MMS22L: variants seen among roughly 807,000 people sequenced by gnomAD.
The protein encoded by MMS22L is MMS22 like, DNA repair protein.
In MMS22L, 74 loss-of-function variants were observed where a neutral mutation model predicts 159.1. The observed-to-expected ratio is 0.47, with a 90% confidence interval of 0.39 to 0.56. The LOEUF is 0.56. Ranked by LOEUF, MMS22L falls within the 20% of genes least tolerant of loss-of-function variation. The probability of loss-of-function intolerance (pLI) is 0.00; values close to 1 mark genes in which losing one functional copy is unlikely to be tolerated. For missense variants in MMS22L, 1,351 were observed against 1,422.1 expected (o/e 0.95, Z 0.80); for synonymous variants, 517 against 506.9 (o/e 1.02, Z -0.27).
In MMS22L at chr6:97,282,468, A is replaced by G. The variant is rs1347604544; in HGVS notation, c.10T>C (p.Cys4Arg). 3 of 1,594,982 alleles carry G rather than the reference A, an allele frequency of 1.9e-6. No individual in the cohort carries two copies. The highest frequency in any genetic ancestry group is 2.6e-6 in the Non-Finnish European group (3 of 1,169,238). ...GTCAGGAACGTCGATGCAGCAGAAC[A>G]GTTCTCCATTGTTTACTTCATGTTC... MENCSAASTFLTDS... is the reference protein window; with the variant it reads MENRSAASTFLTDS... The change falls in exon 2 of 25, where the codon TGT becomes CGT. Residue 4 changes from cysteine to arginine, a missense_variant. Transcript: ENST00000683635.
chr6:97,147,052 T>C (rs1800958270), intron 24 of MMS22L, among the ~76,000 whole-genome samples, 165 bp from the exon 25 acceptor site: 1 of 152,176 alleles, frequency 6.6e-6, no homozygotes, highest in African/African-American at 2.4e-5. Flanking sequence ...TTTATATCTA[T>C]TGTGAGTAAA....
At chr6:97,206,919 T>C (rs1348506979) in intron 14 of MMS22L, among the ~76,000 whole-genome samples, 43 of 152,164 alleles carry the variant, frequency 2.8e-4, no homozygotes, top group Admixed American at 2.8e-3. Flanking sequence ...TAAGTTATGT[T>C]AACACTACCT....
rs1582864855 is a variant in MMS22L at position 97,272,404 on chromosome 6, T to A, written c.606+300A>T. Reference sequence around the variant, plus strand: ...AAATTTTCAGACACTTATACTGTCATAAATCAAGAGAATAGCTACTGATTC... The same window carrying A: ...AAATTTTCAGACACTTATACTGTCAAAAATCAAGAGAATAGCTACTGATTC... On this transcript the variant is annotated intron_variant, in intron 6 of 24. Transcript: ENST00000683635. 6 of 231,418 alleles carry A rather than the reference T, an allele frequency of 2.6e-5. No individual in the cohort carries two copies. The East Asian group carries it at 5.6e-4, about 22-fold the overall frequency. 14.3% of individuals were successfully genotyped at this position (231,418 alleles called of 1,614,324 possible).
At chr6:97,163,186 A>G (rs375676488) in intron 21 of MMS22L, among the ~76,000 whole-genome samples, 1 of 152,066 alleles carries the variant, frequency 6.6e-6, no homozygotes. Context: ...TGCCAGGTAC[A>G]TGTCTAAGAA....
Position 97,186,599 on chromosome 6 carries a change from C to G in MMS22L, c.2131G>C (p.Ala711Pro), listed in dbSNP as rs146321274. The change falls in exon 15 of 25, where the codon GCT becomes CCT. Residue 711 changes from alanine to proline, a missense_variant. Coordinates refer to ENST00000683635, the MANE Select transcript of MMS22L (RefSeq NM_001350599.2). ...CTCCACAGTGCACTGGCAACTGCAG[C>G]AAGGTGGCGCTCTTTAGCCGATAAT... Reference protein sequence around the residue: ...SSLSAKERHLAAVASALWRHF... With the variant: ...SSLSAKERHLPAVASALWRHF... 1.7e-4 allele frequency: 267 copies of G among 1,611,980 alleles called. 1 individual carries two copies. Among genetic ancestry groups the G allele is most frequent in the Admixed American group, 5.7e-4 (34 of 59,464 alleles).
chr6:97,215,114 A>ATATATTT (rs1209431095), intron 14 of MMS22L, among the ~76,000 whole-genome samples: 2 of 87,218 alleles, frequency 2.3e-5, no homozygotes, highest in African/African-American at 7.1e-5. Flanking sequence ...ATATATATAT[A>ATATATTT]TTTTTTTTTT....
At chr6:97,238,383 T>A (rs1217379030) in intron 11 of MMS22L, among the ~76,000 whole-genome samples, 2 of 152,212 alleles carry the variant, frequency 1.3e-5, no homozygotes, top group African/African-American at 4.8e-5. Flanking sequence ...TTGTCAGTTT[T>A]AAGCAAACCC....
In MMS22L at chr6:97,191,452, A is replaced by G. The variant is rs556427037; in HGVS notation, c.2040-4762T>C. ...CTAATACATGATGCCTCAAAGTTTA[A>G]GGAAAATTAAAATTGTCTATTGATG... On this transcript the variant is annotated intron_variant, in intron 14 of 24. Transcript: ENST00000683635. 4.6e-5 allele frequency among the ~76,000 whole-genome samples: 7 copies of G among 152,246 alleles called. No individual in the cohort carries two copies. The East Asian group carries it at 1.2e-3, about 25-fold the overall frequency.
intron 16 of MMS22L, 46 bp downstream of exon 16, chr6:97,181,858 G>A (rs777877907): frequency 6.3e-7 from 1 of 1,576,062 alleles, no homozygotes; most frequent in South Asian, 1.2e-5. Context: ...ATACTGATCT[G>A]TCACAGGTTT....
intron 14 of MMS22L, among the ~76,000 whole-genome samples, chr6:97,192,571 C>T (rs753834650): frequency 6.6e-6 from 1 of 152,300 alleles, no homozygotes; most frequent in Admixed American, 6.5e-5. Flanking sequence ...TGCACTACTG[C>T]TTCTAAATCC....
chr6:97,265,421 C>T (rs1814987513), intron 8 of MMS22L: 1 of 151,972 alleles, frequency 6.6e-6, no homozygotes. Flanking sequence ...AGGGGAAAAG[C>T]TATATGACAA....
chr6:97,222,905 C>T (rs1809803617), intron 14 of MMS22L, among the ~76,000 whole-genome samples: 1 of 152,028 alleles, frequency 6.6e-6, no homozygotes, highest in Admixed American at 6.6e-5. Context: ...TGAAAGACTG[C>T]CATTTTTATA....
chr6:97,154,947 G>A (rs9398333), intron 22 of MMS22L, among the ~76,000 whole-genome samples: 28,094 of 152,038 alleles, frequency 0.18, 2,995 homozygotes, highest in East Asian at 0.51. Context: ...TGGGTCCCCT[G>A]TAATTCCATA....
rs572235073 is a variant in MMS22L at position 97,160,232 on chromosome 6, G to C, written c.3385+1770C>G. Among the ~76,000 whole-genome samples the C allele has an allele frequency of 3.3e-5, 5 of 151,930 alleles. No individual in the cohort carries two copies. In the East Asian group the frequency reaches 9.7e-4, roughly 29 times the overall value. ...GTGTGTTATGTGGATCCAAATTACTGCCTGGGGTCAGTCTCAGTCTGAAAA... is the reference window on the plus strand; with the variant it reads ...GTGTGTTATGTGGATCCAAATTACTCCCTGGGGTCAGTCTCAGTCTGAAAA... On this transcript the variant is annotated intron_variant, in intron 22 of 24. Coordinates refer to ENST00000683635, the MANE Select transcript of MMS22L (RefSeq NM_001350599.2).
intron 14 of MMS22L, among the ~76,000 whole-genome samples, chr6:97,204,285 C>A (rs537893616): frequency 3.3e-5 from 5 of 152,244 alleles, no homozygotes; most frequent in Non-Finnish European, 7.3e-5. Flanking sequence ...GTATCTATTA[C>A]TAGGAATTCC....
At chr6:97,242,125 GGT>G (rs1412506627) in intron 11 of MMS22L, among the ~76,000 whole-genome samples, 2 of 152,036 alleles carry the variant, frequency 1.3e-5, no homozygotes, top group Non-Finnish European at 2.9e-5. Context: ...TTTGTTCTAG[GGT>G]ATAGTTTAAA....
At chr6:97,222,251 T>G (rs945052936) in intron 14 of MMS22L, among the ~76,000 whole-genome samples, 1 of 151,842 alleles carries the variant, frequency 6.6e-6, no homozygotes, top group African/African-American at 2.4e-5. Flanking sequence ...ACACTTCAAA[T>G]GTCAAAACAG....
At chr6:97,204,525 C>T (rs1290577963) in intron 14 of MMS22L, among the ~76,000 whole-genome samples, 1 of 152,166 alleles carries the variant, frequency 6.6e-6, no homozygotes, top group Admixed American at 6.5e-5. Flanking sequence ...GCCACAGTGG[C>T]TCATGCTTGT....
chr6:97,159,331 G>A (rs925757757), intron 22 of MMS22L, among the ~76,000 whole-genome samples: 8 of 151,720 alleles, frequency 5.3e-5, no homozygotes, highest in Non-Finnish European at 7.4e-5. Flanking sequence ...TTCCTTTGTG[G>A]TCACTCTAAG....
Sources: gnomAD v4.1 joint callset for allele counts (sites outside exome capture counted in the v4.1 genomes callset) on GRCh38, gnomAD v4.1.1 for gene constraint, MANE v1.5 for transcripts, NCBI Gene and HGNC (gene_info 2026-07-23, HGNC 2026-07-21) for gene names.